Variants in ZNF184 observed in about 807,000 individuals in gnomAD.
ZNF184 encodes zinc finger protein 184 (Kruppel-like).
In ZNF184, 16 loss-of-function variants were observed where a neutral mutation model predicts 54.4. The ratio of observed to expected loss-of-function variants is 0.29; its 90% CI spans 0.20 to 0.45. The LOEUF is 0.45. ZNF184 is among the 20% of genes least tolerant of loss of function. The pLI is 1.00. For missense variants in ZNF184, 681 were observed against 888.2 expected (o/e 0.77, Z 2.97); for synonymous variants, 254 against 295.3 (o/e 0.86, Z 1.43).
At chr6:27,459,853 G>A (rs138919619) in intron 3 of ZNF184, among the ~76,000 whole-genome samples, 277 of 152,120 alleles carry the variant, frequency 1.8e-3, no homozygotes, top group Non-Finnish European at 3.2e-3. Flanking sequence ...ATATCTATAC[G>A]TACTCATTAG....
chr6:27,457,419 C>A lies in ZNF184; in HGVS notation c.76-10G>T. 1 of 1,613,172 alleles carries A rather than the reference C, an allele frequency of 6.2e-7. No individual in the cohort carries two copies. The highest frequency in any genetic ancestry group is 8.5e-7 in the Non-Finnish European group (1 of 1,179,572). ...TGAAAGTCACCGCTTCCTGAAATACCAAACATATTTCTGCTTAGCCATAAG... is the reference window on the plus strand; with the variant it reads ...TGAAAGTCACCGCTTCCTGAAATACAAAACATATTTCTGCTTAGCCATAAG... On this transcript the variant is annotated splice_polypyrimidine_tract_variant and intron_variant, in intron 3 of 5. Coordinates refer to ENST00000683788, the MANE Select transcript of ZNF184 (RefSeq NM_001318891.2).
chr6:27,445,217 G>C, the ZNF184 span, among the ~76,000 whole-genome samples: 2 of 152,130 alleles, frequency 1.3e-5, no homozygotes, highest in Non-Finnish European at 2.9e-5. Context: ...CCTGTCTGCA[G>C]CAAAGTGGGT....
the ZNF184 span, among the ~76,000 whole-genome samples, chr6:27,421,621 A>T: frequency 6.6e-6 from 1 of 152,206 alleles, no homozygotes; most frequent in African/African-American, 2.4e-5. Flanking sequence ...ATATATGTTA[A>T]ATGACATTGG....
At chr6:27,416,220 T>C in the ZNF184 span, among the ~76,000 whole-genome samples, 1 of 152,214 alleles carries the variant, frequency 6.6e-6, no homozygotes. Context: ...TGTCCTAGTT[T>C]CCTTGTCTAT....
the ZNF184 span, among the ~76,000 whole-genome samples, chr6:27,416,200 CAT>C: frequency 3.3e-4 from 51 of 152,322 alleles, no homozygotes; most frequent in Non-Finnish European, 6.2e-4. Context: ...CACAATAAAA[CAT>C]ATAACAGTGT....
the ZNF184 span, among the ~76,000 whole-genome samples, chr6:27,411,573 T>C: frequency 6.6e-6 from 1 of 152,184 alleles, no homozygotes; most frequent in Admixed American, 6.5e-5. Context: ...GCCTATATCT[T>C]TAATACAAAG....
the ZNF184 span, among the ~76,000 whole-genome samples, chr6:27,413,792 G>A: frequency 8.8e-4 from 134 of 152,272 alleles, no homozygotes; most frequent in Middle Eastern, 0.01. Flanking sequence ...AAATTTGGAA[G>A]AAACAAAGGT....
At chr6:27,471,317 C>G (rs992239936) in intron 2 of ZNF184, among the ~76,000 whole-genome samples, 7 of 152,034 alleles carry the variant, frequency 4.6e-5, no homozygotes, top group African/African-American at 1.7e-4. Context: ...AACATGTGAC[C>G]AAAAAATTGA....
At chr6:27,438,404 A>G in the ZNF184 span, among the ~76,000 whole-genome samples, 1 of 152,232 alleles carries the variant, frequency 6.6e-6, no homozygotes, top group Non-Finnish European at 1.5e-5. Context: ...CTGAGGAGGA[A>G]GTGATAAATT....
At position 27,451,040 on chromosome 6, in the gene ZNF184, AACTACCTTTGAAATAATCT is replaced by A; in HGVS notation, c.*244_*262del. 1 of 360,852 alleles carries A rather than the reference AACTACCTTTGAAATAATCT, an allele frequency of 2.8e-6. No homozygotes were observed. Among genetic ancestry groups the A allele is most frequent in the East Asian group, 4.3e-5 (1 of 23,152 alleles). The allele number at this position is 360,852 out of a possible 1,614,324, so 22.4% of individuals were successfully genotyped here. ...ATACAAAACTGATTATAAAACTCCAAACTACCTTTGAAATAATCTACTCCAAATCCTTCATTCCATAAAG... is the reference window on the plus strand; with the variant it reads ...ATACAAAACTGATTATAAAACTCCAAACTCCAAATCCTTCATTCCATAAAG... On this transcript the variant is annotated 3_prime_UTR_variant, in exon 6 of 6. Transcript: ENST00000683788.
chr6:27,459,150 G>T (rs1354495044), intron 3 of ZNF184, among the ~76,000 whole-genome samples: 2 of 152,152 alleles, frequency 1.3e-5, no homozygotes, highest in African/African-American at 4.8e-5. Context: ...GAAGGAATAA[G>T]TTCCAGTGTC....
the ZNF184 span, among the ~76,000 whole-genome samples, chr6:27,409,806 T>C: frequency 0.96 from 146,645 of 152,240 alleles, 70,793 homozygotes; most frequent in East Asian, 1. Context: ...CTTCATGAGA[T>C]GAACTATAAT....
chr6:27,422,148 A>AAAAAG, the ZNF184 span, among the ~76,000 whole-genome samples: 5 of 43,456 alleles, frequency 1.2e-4, no homozygotes, highest in East Asian at 7.9e-4. Context: ...CTCAAAAAAA[A>AAAAAG]AAAGAAAGAA....
the ZNF184 span, among the ~76,000 whole-genome samples, chr6:27,436,505 A>G: frequency 6.6e-6 from 1 of 152,138 alleles, no homozygotes; most frequent in African/African-American, 2.4e-5. Flanking sequence ...GAATTTTTCA[A>G]CTGCTTTTTC....
At chr6:27,439,351 G>A in the ZNF184 span, among the ~76,000 whole-genome samples, 1 of 152,136 alleles carries the variant, frequency 6.6e-6, no homozygotes, top group African/African-American at 2.4e-5. Context: ...TTAAAATTGT[G>A]CTTCATTATG....
chr6:27,451,782 T>C lies in ZNF184; in HGVS notation c.1777A>G (p.Arg593Gly). The change falls in exon 6 of 6, where the codon AGA (arginine) becomes GGA (glycine). Residue 593 changes from arginine to glycine, a missense_variant. Coordinates refer to ENST00000683788, the MANE Select transcript of ZNF184 (RefSeq NM_001318891.2). ...ERPYKCNECG[R>G]AFNQNIHLTQ... is the part of the protein sequence containing the mutation. Reference sequence around the variant, plus strand: ...AGGTGTATGTTCTGGTTGAATGCTCTCCCACACTCATTACACTTGTAAGGT... The same window carrying C: ...AGGTGTATGTTCTGGTTGAATGCTCCCCCACACTCATTACACTTGTAAGGT... 6.2e-7 allele frequency: 1 copy of C among 1,614,054 alleles called. No homozygotes were observed. The highest frequency in any genetic ancestry group is 8.5e-7 in the Non-Finnish European group (1 of 1,179,988).
At chr6:27,432,234 T>C in the ZNF184 span, among the ~76,000 whole-genome samples, 2 of 152,096 alleles carry the variant, frequency 1.3e-5, no homozygotes, top group Non-Finnish European at 2.9e-5. This position sits in a 1 kb window ranked among gnomAD's most constrained non-coding sequence, Gnocchi z 4.0. Flanking sequence ...AACAGACAAT[T>C]ACAGGTAGTT....
chr6:27,452,701 G>A lies in ZNF184; in HGVS notation c.858C>T (p.Gly286=). ...GAGTAAGAGATGGACCCTCAATGAA[G>A]CCTTTTCCACACTGATCACATTTAT... ...KPYKCDQCGK[G]FIEGPSLTQH... The change falls in exon 6 of 6, where the codon GGC becomes GGT. Residue 286 remains glycine (G), a synonymous_variant. Coordinates refer to ENST00000683788, the MANE Select transcript of ZNF184 (RefSeq NM_001318891.2). This position sits in a 1 kb window ranked among gnomAD's most constrained non-coding sequence, Gnocchi z 5.5. 2.5e-6 allele frequency: 4 copies of A among 1,614,012 alleles called. No individual in the cohort carries two copies. Among genetic ancestry groups the A allele is most frequent in the Non-Finnish European group, 3.4e-6 (4 of 1,180,000 alleles).
the ZNF184 span, among the ~76,000 whole-genome samples, chr6:27,407,424 C>T: frequency 3.9e-5 from 6 of 152,296 alleles, no homozygotes; most frequent in Admixed American, 6.5e-5. Flanking sequence ...AGCTGGTTCC[C>T]GGCTCCCCCT....
Sources: allele counts gnomAD v4.1 joint callset (sites outside exome capture counted in the v4.1 genomes callset), GRCh38; gene constraint gnomAD v4.1.1; non-coding constraint Gnocchi (gnomAD v3.1); transcripts MANE v1.5; gene names NCBI Gene and HGNC (gene_info 2026-07-23, HGNC 2026-07-21).